The following NLRC5 variants were observed in gnomAD, a reference collection of about 807,000 sequenced individuals.
NLRC5 encodes the protein protein NLRC5.
Under a neutral mutation model 206.9 loss-of-function variants are expected in NLRC5, and 114 were observed. The ratio of observed to expected loss-of-function variants is 0.55; its 90% CI spans 0.47 to 0.64. The LOEUF is 0.64. Among genes scored for constraint, NLRC5 ranks in the 30% least tolerant of loss-of-function variants. The pLI is 0.00. For synonymous variants in NLRC5, 952 were observed against 962.8 expected (o/e 0.99, Z 0.21); for missense variants, 2,008 against 2,305.5 (o/e 0.87, Z 2.64).
intron 48 of NLRC5, among the ~76,000 whole-genome samples, 190 bp downstream of exon 48, chr16:57,081,800 G>A (rs2069182736): frequency 6.6e-6 from 1 of 152,232 alleles, no homozygotes; most frequent in Non-Finnish European, 1.5e-5. Context: ...TGCCAACTGT[G>A]TAACTTTGTA....
In NLRC5 at chr16:57,079,343, G is replaced by A. The variant is rs199476017; in HGVS notation, c.5237+51G>A. ...GGGGACCAGTGGCAGGCTGAGGGCAGCCCTTCTCTGACTGAGCCTAACACC... is the reference window on the plus strand; with the variant it reads ...GGGGACCAGTGGCAGGCTGAGGGCAACCCTTCTCTGACTGAGCCTAACACC... On this transcript the variant is annotated intron_variant, in intron 45 of 48. Transcript: ENST00000688547. 1.1e-4 allele frequency: 169 copies of A among 1,593,104 alleles called. No homozygotes were observed. The African/African-American group carries it at 1.9e-3, about 18-fold the overall frequency.
At chr16:57,040,815 C>A in intron 17 of NLRC5, 97 bp downstream of exon 17, 1 of 1,167,756 alleles carries the variant, frequency 8.6e-7, no homozygotes, top group Non-Finnish European at 1.3e-6. Flanking sequence ...CCCACATGCT[C>A]CCTGAAGGAC....
At chr16:57,061,309 G>T in intron 30 of NLRC5, 139 bp from the exon 31 acceptor site, 1 of 701,378 alleles carries the variant, frequency 1.4e-6, no homozygotes, top group Non-Finnish European at 2.4e-6. Context: ...CTGCATATTT[G>T]GCCTCTCAGG....
At chr16:57,058,419 C>G (rs2144567864) in intron 28 of NLRC5, 1 of 490,198 alleles carries the variant, frequency 2.0e-6, no homozygotes, top group South Asian at 2.5e-5. Context: ...CCAAACTGAC[C>G]TGGGGACAGG....
chr16:57,020,183 A>C (rs2060501413), intron 2 of NLRC5, among the ~76,000 whole-genome samples: 3 of 145,556 alleles, frequency 2.1e-5, no homozygotes, highest in East Asian at 2.0e-4. Context: ...TCCCCAGATC[A>C]CCTTCCCCCT....
chr16:57,079,915 T>G (rs570737007), intron 46 of NLRC5, among the ~76,000 whole-genome samples: 2 of 152,252 alleles, frequency 1.3e-5, no homozygotes, highest in Admixed American at 1.3e-4. Flanking sequence ...TTAAAGGTTT[T>G]TGGTCCAACC....
chr16:57,030,438 AGATGGATGGATG>A (rs71152231), intron 10 of NLRC5, among the ~76,000 whole-genome samples: 1 of 89,542 alleles, frequency 1.1e-5, no homozygotes, highest in African/African-American at 4.8e-5. Context: ...GTGGATGAAA[AGATGGATGGATG>A]GATGGATGGA....
chr16:57,070,445 G>A, intron 37 of NLRC5, 90 bp from the exon 38 acceptor site: 2 of 1,157,776 alleles, frequency 1.7e-6, no homozygotes, highest in Non-Finnish European at 1.3e-6. Context: ...CCTCCCAGGG[G>A]ACAGAGCAGG....
In NLRC5 at chr16:57,029,756, C is replaced by T. The variant is rs1409325883; in HGVS notation, c.2244-17C>T. ...CCAACCCCAGGGCAAAGGGACTGGG[C>T]CTTGGTCTCCTCGCAGTTTTCGGGA... On this transcript the variant is annotated splice_polypyrimidine_tract_variant and intron_variant, in intron 8 of 48. Transcript: ENST00000688547. 6.2e-7 allele frequency: 1 copy of T among 1,612,540 alleles called. No homozygotes were observed. Among genetic ancestry groups the T allele is most frequent in the East Asian group, 2.2e-5 (1 of 44,886 alleles).
At chr16:57,008,245 T>A (rs1394524137) in intron 1 of NLRC5, among the ~76,000 whole-genome samples, 1 of 152,190 alleles carries the variant, frequency 6.6e-6, no homozygotes, top group African/African-American at 2.4e-5. Context: ...AGAAATTTTT[T>A]TAAAATACTT....
chr16:57,047,660 C>T, intron 23 of NLRC5, 32 bp downstream of exon 23: 1 of 1,577,472 alleles, frequency 6.3e-7, no homozygotes, highest in Non-Finnish European at 8.7e-7. Context: ...CCAGAGGGCA[C>T]CATGTGGGGA....
At chr16:57,007,543 T>C (rs1283547075) in intron 1 of NLRC5, among the ~76,000 whole-genome samples, 1 of 151,430 alleles carries the variant, frequency 6.6e-6, no homozygotes, top group South Asian at 2.1e-4. Context: ...GTCAACATGG[T>C]GAAACTCAGT....
At position 57,047,526 on chromosome 16, in the gene NLRC5, G is replaced by C; in HGVS notation, c.3339-19G>C. 6.2e-7 allele frequency: 1 copy of C among 1,605,960 alleles called. No individual in the cohort carries two copies. The highest frequency in any genetic ancestry group is 8.5e-7 in the Non-Finnish European group (1 of 1,175,600). ...TGGGCTTTCTCTGATTCCCTGCCCT[G>C]CCCATTGCCCCTTTGCAGCCTCAGT... is the stretch of plus-strand genomic sequence containing the variant. On this transcript the variant is annotated intron_variant, in intron 22 of 48. Transcript: ENST00000688547.
rs747507224 is a variant in NLRC5, at chr16:57,055,103, C to G, written c.3659+9C>G. 6.8e-6 allele frequency: 11 copies of G among 1,613,988 alleles called. No individual in the cohort carries two copies. Among genetic ancestry groups the G allele is most frequent in the Non-Finnish European group, 9.3e-6 (11 of 1,180,012 alleles). Reference sequence around the variant, plus strand: ...GAAGGCGTGTGCTGTGGGTAAGCCCCCTTGAACCATGCCTAGGCAGCTAGT... The same window carrying G: ...GAAGGCGTGTGCTGTGGGTAAGCCCGCTTGAACCATGCCTAGGCAGCTAGT... On this transcript the variant is annotated intron_variant, in intron 26 of 48. Coordinates refer to ENST00000688547, the MANE Select transcript of NLRC5 (RefSeq NM_001384950.1).
chr16:57,018,631 C>G (rs749173282), intron 2 of NLRC5, among the ~76,000 whole-genome samples: 23 of 152,172 alleles, frequency 1.5e-4, no homozygotes, highest in Non-Finnish European at 2.8e-4. Flanking sequence ...TAGTACTGGC[C>G]TCAGCCTCTG....
At chr16:57,045,242 G>T (rs559782460) in intron 20 of NLRC5, 30 of 585,638 alleles carry the variant, frequency 5.1e-5, no homozygotes, top group Middle Eastern at 3.9e-4. Context: ...TTACCTCATT[G>T]TTTATTGTGA....
At chr16:57,068,789 G>A (rs186976526) in intron 36 of NLRC5, among the ~76,000 whole-genome samples, 4 of 152,264 alleles carry the variant, frequency 2.6e-5, no homozygotes, top group East Asian at 3.9e-4. Flanking sequence ...AGGATCACAC[G>A]TCTCATTTAG....
chr16:56,993,130 T>C (rs201801437), intron 1 of NLRC5, among the ~76,000 whole-genome samples: 3,584 of 143,442 alleles, frequency 0.025, 107 homozygotes, highest in East Asian at 0.18. Context: ...TGTATATATA[T>C]ATACACACAC....
chr16:57,054,854 T>G lies in NLRC5; in HGVS notation c.3596+14T>G, dbSNP rs2065395752. The G allele has an allele frequency of 1.9e-6, 3 of 1,613,084 alleles. No individual in the cohort carries two copies. The highest frequency in any genetic ancestry group is 2.5e-6 in the Non-Finnish European group (3 of 1,179,004). The stretch of plus-strand genomic sequence containing the variant: ...GGTGGATCTCAGGTGGGCATTCCCC[T>G]GGGACAGCCAGGACTCGTCCTGAAG... On this transcript the variant is annotated intron_variant, in intron 25 of 48. Transcript: ENST00000688547.
Sources: gnomAD v4.1 joint callset for allele counts (sites outside exome capture counted in the v4.1 genomes callset) on GRCh38, gnomAD v4.1.1 for gene constraint, MANE v1.5 for transcripts, NCBI Gene and HGNC (gene_info 2026-07-23, HGNC 2026-07-21) for gene names.